The following AXIN1 variants were observed in gnomAD, a reference collection of about 807,000 sequenced individuals.
The protein encoded by AXIN1 is axin 1.
A neutral mutation model predicts 76.4 loss-of-function variants in AXIN1; 30 were observed. The ratio of observed to expected loss-of-function variants is 0.39; its 90% CI spans 0.29 to 0.53. The LOEUF (loss-of-function observed/expected upper bound fraction) is 0.53, where lower values mean the gene tolerates loss of function less well. AXIN1 is among the 20% of genes least tolerant of loss of function. AXIN1 has a pLI of 0.66. For synonymous variants in AXIN1, 545 were observed against 501.4 expected (o/e 1.09, Z -1.16); for missense variants, 1,140 against 1,198.8 (o/e 0.95, Z 0.72).
In AXIN1 at chr16:314,534, G is replaced by A. The variant is rs775871142; in HGVS notation, c.1019+9C>T. ...CCGTGAGGGACTGGGTATCCGGGGCGGGACTTACACGCTGCTGTCCGTGAG... is the reference window on the plus strand; with the variant it reads ...CCGTGAGGGACTGGGTATCCGGGGCAGGACTTACACGCTGCTGTCCGTGAG... On this transcript the variant is annotated intron_variant, in intron 3 of 10. Coordinates refer to ENST00000262320, the MANE Select transcript of AXIN1 (RefSeq NM_003502.4). 29 of 1,613,392 alleles carry A rather than the reference G, an allele frequency of 1.8e-5. No individual in the cohort carries two copies. The highest frequency in any genetic ancestry group is 1.7e-4 in the Middle Eastern group (1 of 5,772).
At chr16:301,647 A>C (rs1437212017) in intron 5 of AXIN1, among the ~76,000 whole-genome samples, 1 of 152,172 alleles carries the variant, frequency 6.6e-6, no homozygotes, top group Non-Finnish European at 1.5e-5. Flanking sequence ...TTTTTTAAAA[A>C]ATGTCTCACT....
chr16:317,884 C>T (rs1267672714), intron 2 of AXIN1, among the ~76,000 whole-genome samples: 2 of 152,246 alleles, frequency 1.3e-5, no homozygotes, highest in Non-Finnish European at 2.9e-5. Flanking sequence ...TGAAGGAACA[C>T]TGAACTTTGG....
In AXIN1 at chr16:345,430, T is replaced by C. The variant is rs139323325; in HGVS notation, c.878+718A>G. On this transcript the variant is annotated intron_variant, in intron 2 of 10. Transcript: ENST00000262320. ...TAGAAGATCATTATAAAAGCAATAA[T>C]CTGGCCGGATGCGGCGGCTCACGCC... Among the ~76,000 whole-genome samples, 181 of 152,254 alleles carry C rather than the reference T, an allele frequency of 1.2e-3. 2 individuals are homozygous for C. Among genetic ancestry groups the C allele is most frequent in the African/African-American group, 4.1e-3 (171 of 41,540 alleles).
intron 4 of AXIN1, among the ~76,000 whole-genome samples, chr16:305,020 GAC>G (rs1168509019): frequency 6.6e-6 from 1 of 152,202 alleles, no homozygotes; most frequent in Non-Finnish European, 1.5e-5. Flanking sequence ...GCAGCTTCAG[GAC>G]ACACAGCCGG....
rs1046526541 is a variant in AXIN1 at position 287,514 on chromosome 16, C to G, written c.*608G>C. ...AGATAATTAATTGTACAAGTGTCAT[C>G]GCATGAAAAACAGACTCGGGCAGCC... On this transcript the variant is annotated 3_prime_UTR_variant, in exon 11 of 11. Transcript: ENST00000262320. 1 of 325,174 alleles carries G rather than the reference C, an allele frequency of 3.1e-6. No homozygotes were observed. Among genetic ancestry groups the G allele is most frequent in the Admixed American group, 4.5e-5 (1 of 22,184 alleles). 20.1% of individuals were successfully genotyped at this position (325,174 alleles called of 1,614,324 possible).
intron 4 of AXIN1, among the ~76,000 whole-genome samples, chr16:309,379 T>C (rs1220397247): frequency 6.6e-6 from 1 of 152,164 alleles, no homozygotes; most frequent in Non-Finnish European, 1.5e-5. Flanking sequence ...GGAAAGATCA[T>C]TAATCTGTTC....
chr16:289,815 G>A (rs2052503607), intron 9 of AXIN1: 2 of 650,010 alleles, frequency 3.1e-6, no homozygotes, highest in Admixed American at 2.6e-5. Context: ...CGCTCACTGG[G>A]AGCACGAAGG....
intron 2 of AXIN1, among the ~76,000 whole-genome samples, chr16:340,947 T>A (rs1397241743): frequency 6.6e-6 from 1 of 152,210 alleles, no homozygotes; most frequent in African/African-American, 2.4e-5. Flanking sequence ...CCTGTGGCCG[T>A]GCTGGACCGC....
intron 3 of AXIN1, among the ~76,000 whole-genome samples, chr16:310,545 C>T (rs1454020337): frequency 1.3e-5 from 2 of 152,116 alleles, no homozygotes; most frequent in Admixed American, 6.5e-5. Context: ...TACAGGTGCC[C>T]GCCACCACGC....
Position 347,027 on chromosome 16 carries a change from T to G in AXIN1, c.-2A>C. 5.6e-6 allele frequency: 9 copies of G among 1,614,140 alleles called. No individual in the cohort carries two copies. Among genetic ancestry groups the G allele is most frequent in the Non-Finnish European group, 7.6e-6 (9 of 1,180,038 alleles). On this transcript the variant is annotated 5_prime_UTR_variant, in exon 2 of 11. Coordinates refer to ENST00000262320, the MANE Select transcript of AXIN1 (RefSeq NM_003502.4). The stretch of plus-strand genomic sequence containing the variant: ...GAAACCCTGCTCTTGGATATTCATT[T>G]TGGGACTCTGCGTCAAGGAACAATG...
chr16:332,199 C>T (rs1240369269), intron 2 of AXIN1, among the ~76,000 whole-genome samples: 3 of 152,314 alleles, frequency 2.0e-5, no homozygotes, highest in African/African-American at 2.4e-5. Flanking sequence ...GAGGGCCCCA[C>T]GGTCCAAGGA....
chr16:302,626 G>C (rs1460460008), intron 5 of AXIN1, among the ~76,000 whole-genome samples: 1 of 152,190 alleles, frequency 6.6e-6, no homozygotes, highest in Non-Finnish European at 1.5e-5. Flanking sequence ...CCTCACGGTG[G>C]CATCTCCAGG....
At chr16:295,451 G>A (rs2052685945) in intron 7 of AXIN1, among the ~76,000 whole-genome samples, 1 of 151,746 alleles carries the variant, frequency 6.6e-6, no homozygotes. Context: ...TAATCCTAGA[G>A]GCCGGCGGAT....
At chr16:291,694 G>A (rs548841557) in intron 8 of AXIN1, 83 of 334,780 alleles carry the variant, frequency 2.5e-4, no homozygotes, top group Non-Finnish European at 4.2e-4. Context: ...TGGGGCGTGC[G>A]TGGCAACTCG....
rs772752866 is a variant in AXIN1 at position 314,651 on chromosome 16, T to C, written c.911A>G (p.Tyr304Cys). 1.2e-5 allele frequency: 19 copies of C among 1,613,832 alleles called. No homozygotes were observed. Among genetic ancestry groups the C allele is most frequent in the Non-Finnish European group, 1.6e-5 (19 of 1,180,032 alleles). ...YGSWREPVNP[Y>C]YVNAGYALAP... ...CAGGGCATAGCCGGCATTGACATAA[T>C]AGGGGTTGACTGGCTCCCGCCAGGA... The change falls in exon 3 of 11, where the codon TAT becomes TGT. Residue 304 changes from tyrosine to cysteine, a missense_variant. Tyr to Cys is a radical substitution (Grantham distance 194, BLOSUM62 -2). This residue lies in a region of AXIN1 where 708 missense variants were observed against 776.9 expected (regional missense o/e 0.91). Coordinates refer to ENST00000262320, the MANE Select transcript of AXIN1 (RefSeq NM_003502.4).
At chr16:314,223 G>C (rs1467242766) in intron 3 of AXIN1, among the ~76,000 whole-genome samples, 1 of 152,206 alleles carries the variant, frequency 6.6e-6, no homozygotes. Context: ...CCGACACAAA[G>C]CTGAGCCCTC....
chr16:291,373 C>T, intron 8 of AXIN1, 76 bp from the exon 9 acceptor site: 3 of 1,260,318 alleles, frequency 2.4e-6, no homozygotes, highest in Non-Finnish European at 3.4e-6. Flanking sequence ...ACCAATGCTG[C>T]TGCGCAGGGA....
intron 5 of AXIN1, among the ~76,000 whole-genome samples, chr16:302,451 C>T (rs1414403108): frequency 1.3e-5 from 2 of 152,268 alleles, no homozygotes; most frequent in Admixed American, 6.5e-5. Context: ...GACATTTCCA[C>T]ACAAACCCCT....
In AXIN1 at chr16:287,930, G is replaced by T. The variant is rs1189289385; in HGVS notation, c.*192C>A. The T allele has an allele frequency of 3.3e-6, 3 of 897,314 alleles. No homozygotes were observed. The highest frequency in any genetic ancestry group is 1.9e-5 in the Admixed American group (1 of 51,916). 55.6% of individuals were successfully genotyped at this position (897,314 alleles called of 1,614,324 possible). A position where few individuals can be genotyped will look rare whatever the true frequency, so the allele number is the denominator to read the frequency against. On this transcript the variant is annotated 3_prime_UTR_variant, in exon 11 of 11. Transcript: ENST00000262320. ...GGAGTGGTCCAGGCTGCCTCCTTGG[G>T]GGCAGGACAGAAGCTTGTGGACCAC...
Sources: allele counts gnomAD v4.1 joint callset (sites outside exome capture counted in the v4.1 genomes callset), GRCh38; gene constraint gnomAD v4.1.1; regional missense constraint gnomAD v4.1.1; transcripts MANE v1.5; gene names NCBI Gene and HGNC (gene_info 2026-07-23, HGNC 2026-07-21).